ZNF618: variants seen among roughly 807,000 people sequenced by gnomAD.
The protein encoded by ZNF618 is zinc finger protein 618, also known as neural precursor cell expressed, developmentally down-regulated 10.
In ZNF618, 34 loss-of-function variants were observed where a neutral mutation model predicts 103.0. The ratio of observed to expected loss-of-function variants is 0.33; its 90% confidence interval spans 0.25 to 0.44. The LOEUF (loss-of-function observed/expected upper bound fraction) is 0.44, where lower values mean the gene tolerates loss of function less well. ZNF618 is among the 20% of genes least tolerant of loss of function. ZNF618 has a pLI of 1.00. For missense variants in ZNF618, 1,059 were observed against 1,295.4 expected (o/e 0.82, Z 2.80); for synonymous variants, 551 against 542.2 (o/e 1.02, Z -0.23).
At chr9:114,004,788 A>AT (rs2133735054) in intron 6 of ZNF618, among the ~76,000 whole-genome samples, 1 of 152,252 alleles carries the variant, frequency 6.6e-6, no homozygotes, top group East Asian at 1.9e-4. Flanking sequence ...CAGCCCACCC[A>AT]TTTTGCAGAT....
chr9:113,974,464 A>G (rs959933460), intron 2 of ZNF618, among the ~76,000 whole-genome samples: 1 of 152,240 alleles, frequency 6.6e-6, no homozygotes, highest in Non-Finnish European at 1.5e-5. Flanking sequence ...GAGAAGTGGC[A>G]TAATATGATT....
At chr9:113,952,053 G>T (rs1835829116) in intron 1 of ZNF618, among the ~76,000 whole-genome samples, 2 of 152,146 alleles carry the variant, frequency 1.3e-5, no homozygotes, top group Admixed American at 1.3e-4. Flanking sequence ...TGTGGACGGG[G>T]CGTTTCATTA....
At chr9:113,979,833 G>A (rs1162982359) in intron 2 of ZNF618, among the ~76,000 whole-genome samples, 3 of 152,228 alleles carry the variant, frequency 2.0e-5, no homozygotes, top group African/African-American at 7.2e-5. Flanking sequence ...AGGTAACAGA[G>A]TACACCGAGT....
chr9:114,047,484 C>T (rs1329727586), intron 13 of ZNF618, among the ~76,000 whole-genome samples: 1 of 152,142 alleles, frequency 6.6e-6, no homozygotes, highest in Non-Finnish European at 1.5e-5. Flanking sequence ...TTTTTGGCCA[C>T]TTGGGGGGTG....
intron 13 of ZNF618, among the ~76,000 whole-genome samples, chr9:114,045,670 T>C (rs999678568): frequency 2.6e-5 from 4 of 152,026 alleles, no homozygotes; most frequent in African/African-American, 7.2e-5. Context: ...ACGTTGTCCT[T>C]TTTCTAAATT....
chr9:113,984,726 T>C (rs1276741217), intron 2 of ZNF618, among the ~76,000 whole-genome samples: 1 of 152,190 alleles, frequency 6.6e-6, no homozygotes, highest in Admixed American at 6.5e-5. Flanking sequence ...TTCCATCTCT[T>C]TGCCTACTGA....
At chr9:113,909,017 G>A (rs930893428) in intron 1 of ZNF618, among the ~76,000 whole-genome samples, 2 of 151,810 alleles carry the variant, frequency 1.3e-5, no homozygotes, top group Non-Finnish European at 2.9e-5. Context: ...CCCCAAAGCC[G>A]GTGAATCCCT....
At chr9:113,998,152 T>G (rs977896900) in intron 3 of ZNF618, 107 bp from the exon 4 acceptor site, 1 of 972,654 alleles carries the variant, frequency 1.0e-6, no homozygotes, top group Non-Finnish European at 1.6e-6. Flanking sequence ...AGGTAGGCAG[T>G]GTGATCTTGT....
intron 9 of ZNF618, among the ~76,000 whole-genome samples, chr9:114,013,567 A>G (rs964668277): frequency 2.0e-4 from 31 of 152,238 alleles, no homozygotes; most frequent in African/African-American, 6.7e-4. Context: ...AGTAGCTGGG[A>G]CTACAGGCGC....
At chr9:114,028,675 G>T in intron 10 of ZNF618, 58 bp from the exon 11 acceptor site, 1 of 1,515,952 alleles carries the variant, frequency 6.6e-7, no homozygotes, top group South Asian at 1.3e-5. Context: ...TGGCCCGAGA[G>T]GCCACTCACT....
intron 13 of ZNF618, among the ~76,000 whole-genome samples, chr9:114,037,961 T>C (rs1338202079): frequency 6.6e-6 from 1 of 152,150 alleles, no homozygotes; most frequent in African/African-American, 2.4e-5. Context: ...TGTCTCCATC[T>C]CTAAAGCAAG....
chr9:113,965,504 G>T (rs1386209918), intron 1 of ZNF618, among the ~76,000 whole-genome samples: 3 of 152,070 alleles, frequency 2.0e-5, no homozygotes, highest in African/African-American at 4.8e-5. Context: ...TTCGGGGCTG[G>T]AGGGCTTAGA....
chr9:113,882,158 T>TC (rs543030410), intron 1 of ZNF618, among the ~76,000 whole-genome samples: 39 of 151,924 alleles, frequency 2.6e-4, no homozygotes, highest in African/African-American at 8.2e-4. Flanking sequence ...CAGCAGGAAA[T>TC]CCCCCCAGGC....
At position 113,933,391 on chromosome 9, in the gene ZNF618, T is replaced by C. The variant is rs191472677; in HGVS notation, c.34-35726T>C. ...GAGAGCAGGGAAATTGCCAGCTCAG[T>C]GACCTCGGGTCCAAGCCAAGAGAAA... On this transcript the variant is annotated intron_variant, in intron 1 of 14. Coordinates refer to ENST00000374126, the MANE Select transcript of ZNF618 (RefSeq NM_001318042.2). 1.3e-4 allele frequency among the ~76,000 whole-genome samples: 20 copies of C among 152,304 alleles called. No individual in the cohort carries two copies. In the East Asian group the frequency reaches 2.9e-3, roughly 22 times the overall value.
intron 1 of ZNF618, among the ~76,000 whole-genome samples, chr9:113,895,320 G>C (rs963016415): frequency 6.6e-6 from 1 of 152,056 alleles, no homozygotes; most frequent in African/African-American, 2.4e-5. Context: ...TATGTACCCA[G>C]ATGGCCATAT....
intron 1 of ZNF618, among the ~76,000 whole-genome samples, chr9:113,884,777 A>AGC (rs1828901282): frequency 3.3e-5 from 1 of 30,406 alleles, no homozygotes; most frequent in South Asian, 1.2e-3. Context: ...AAACACACAG[A>AGC]GAGAGAGAGA....
chr9:113,948,771 G>T (rs1319227521), intron 1 of ZNF618, among the ~76,000 whole-genome samples: 4 of 152,214 alleles, frequency 2.6e-5, no homozygotes, highest in Non-Finnish European at 5.9e-5. Flanking sequence ...TGATGTTGTG[G>T]TGGTGGCTAC....
At position 113,987,589 on chromosome 9, in the gene ZNF618, AAGGGAAC is replaced by A. The variant is rs372196253; in HGVS notation, c.78-729_78-723del. Among the ~76,000 whole-genome samples the A allele has an allele frequency of 2.5e-3, 377 of 152,342 alleles. 1 individual carries two copies. Among genetic ancestry groups the A allele is most frequent in the Middle Eastern group, 6.8e-3 (2 of 294 alleles). On this transcript the variant is annotated intron_variant, in intron 2 of 14. Coordinates refer to ENST00000374126, the MANE Select transcript of ZNF618 (RefSeq NM_001318042.2). Reference sequence around the variant, plus strand: ...TCCCAAGCCTTCTTGCCTAGGAACGAAGGGAACAGCACTGGATATCGCGTACATCAAA... The same window carrying A: ...TCCCAAGCCTTCTTGCCTAGGAACGAAGCACTGGATATCGCGTACATCAAA...
intron 1 of ZNF618, among the ~76,000 whole-genome samples, chr9:113,963,238 G>C (rs770545951): frequency 5.9e-5 from 9 of 152,172 alleles, no homozygotes; most frequent in African/African-American, 2.2e-4. Context: ...AAATGCACTT[G>C]GTTGCACCCA....
Sources: gnomAD v4.1 joint callset for allele counts (sites outside exome capture counted in the v4.1 genomes callset) on GRCh38, gnomAD v4.1.1 for gene constraint, MANE v1.5 for transcripts, NCBI Gene and HGNC (gene_info 2026-07-23, HGNC 2026-07-21) for gene names.